BRAF: variants seen among roughly 807,000 people sequenced by gnomAD.
BRAF encodes B-Raf proto-oncogene, serine/threonine kinase.
A neutral mutation model predicts 104.6 loss-of-function variants in BRAF; 16 were observed. The observed-to-expected ratio is 0.15, with a 90% CI of 0.10 to 0.23. The LOEUF (loss-of-function observed/expected upper bound fraction) is 0.23, where lower values mean the gene tolerates loss of function less well. Among genes scored for constraint, BRAF ranks in the 10% least tolerant of loss-of-function variants. The probability of loss-of-function intolerance (pLI) is 1.00; values close to 1 mark genes in which losing one functional copy is unlikely to be tolerated. For synonymous variants in BRAF, 310 were observed against 341.6 expected (o/e 0.91, Z 1.02); for missense variants, 541 against 937.3 (o/e 0.58, Z 5.52).
At chr7:140,727,924 CAT>C (rs892924018) in intron 19 of BRAF, among the ~76,000 whole-genome samples, 1 of 152,118 alleles carries the variant, frequency 6.6e-6, no homozygotes, top group African/African-American at 2.4e-5. Context: ...CCCGGCCAGC[CAT>C]ATCACTATTT....
At chr7:140,878,727 T>C (rs1812536111) in intron 1 of BRAF, among the ~76,000 whole-genome samples, 1 of 152,184 alleles carries the variant, frequency 6.6e-6, no homozygotes. Flanking sequence ...TATTTCAAAA[T>C]AGCTAGAAGA....
At chr7:140,824,343 T>C (rs1805781526) in intron 3 of BRAF, 1 of 152,194 alleles carries the variant, frequency 6.6e-6, no homozygotes, top group Admixed American at 6.5e-5. Flanking sequence ...AAGGGAAGGG[T>C]ACCACTTCAT....
the BRAF span, among the ~76,000 whole-genome samples, chr7:140,714,260 C>G: frequency 1.3e-5 from 2 of 152,198 alleles, no homozygotes; most frequent in Admixed American, 6.5e-5. Flanking sequence ...TTTTTGGGGC[C>G]AGAGGAATGG....
chr7:140,774,073 A>C (rs1335445416), intron 14 of BRAF, among the ~76,000 whole-genome samples: 1 of 152,242 alleles, frequency 6.6e-6, no homozygotes, highest in African/African-American at 2.4e-5. Flanking sequence ...GGTACATTTA[A>C]CCAGTTGTAT....
chr7:140,885,002 A>G (rs991172079), intron 1 of BRAF, among the ~76,000 whole-genome samples: 5 of 152,136 alleles, frequency 3.3e-5, no homozygotes, highest in South Asian at 2.1e-4. Flanking sequence ...TTGTTTGTTT[A>G]TTTATTCATT....
intron 3 of BRAF, among the ~76,000 whole-genome samples, chr7:140,815,578 C>T (rs1804790228): frequency 6.6e-6 from 1 of 151,552 alleles, no homozygotes; most frequent in African/African-American, 2.4e-5. Flanking sequence ...GGATTACAGG[C>T]ATGTGCCAGC....
chr7:140,735,125 A>AC (rs1284573819), intron 18 of BRAF, among the ~76,000 whole-genome samples: 1 of 152,234 alleles, frequency 6.6e-6, no homozygotes, highest in Non-Finnish European at 1.5e-5. Context: ...TTTGTTATAG[A>AC]CCACAAGTCT....
intron 1 of BRAF, among the ~76,000 whole-genome samples, chr7:140,886,594 C>T (rs1452932261): frequency 6.6e-6 from 1 of 152,208 alleles, no homozygotes; most frequent in Non-Finnish European, 1.5e-5. Context: ...ACACTCTTTG[C>T]CTAGCACTTT....
intron 1 of BRAF, among the ~76,000 whole-genome samples, chr7:140,873,206 C>T (rs1056010042): frequency 2.3e-5 from 3 of 132,402 alleles, no homozygotes; most frequent in Admixed American, 8.7e-5. Context: ...GAGTTCTGCT[C>T]GTCGCCCAGG....
chr7:140,863,464 G>C (rs975562060), intron 1 of BRAF, among the ~76,000 whole-genome samples: 1 of 152,166 alleles, frequency 6.6e-6, no homozygotes, highest in African/African-American at 2.4e-5. Context: ...TATTCTAAGA[G>C]CAATGAGAAT....
intron 1 of BRAF, among the ~76,000 whole-genome samples, chr7:140,907,257 T>G (rs766658673): frequency 1.3e-5 from 2 of 152,060 alleles, no homozygotes; most frequent in Admixed American, 6.6e-5. Context: ...TTAAGTTGGG[T>G]TTTTCCCCCC....
chr7:140,755,686 T>A (rs1798144316), intron 14 of BRAF, among the ~76,000 whole-genome samples: 1 of 152,168 alleles, frequency 6.6e-6, no homozygotes, highest in Non-Finnish European at 1.5e-5. Context: ...ATTTCGGTTA[T>A]AGGTCTCACT....
chr7:140,895,224 A>G (rs959619266), intron 1 of BRAF, among the ~76,000 whole-genome samples: 1 of 152,214 alleles, frequency 6.6e-6, no homozygotes, highest in Admixed American at 6.5e-5. Context: ...GGAAAAAAAC[A>G]TGATCACCTC....
At chr7:140,759,163 A>T (rs1798454785) in intron 14 of BRAF, among the ~76,000 whole-genome samples, 1 of 152,254 alleles carries the variant, frequency 6.6e-6, no homozygotes, top group Admixed American at 6.5e-5. Flanking sequence ...AATATGAAGA[A>T]GATGCTGTAT....
At chr7:140,773,218 T>C (rs1357778760) in intron 14 of BRAF, 1 of 152,206 alleles carries the variant, frequency 6.6e-6, no homozygotes, top group African/African-American at 2.4e-5. Context: ...TCCCCACCAA[T>C]ATCTAGTTAT....
At chr7:140,734,427 T>C in intron 19 of BRAF, 2 of 1,519,564 alleles carry the variant, frequency 1.3e-6, no homozygotes, top group Non-Finnish European at 1.7e-6. Flanking sequence ...CAATGTTAAG[T>C]ATAAATTTTA....
At chr7:140,900,045 T>G (rs1329171194) in intron 1 of BRAF, among the ~76,000 whole-genome samples, 3 of 152,234 alleles carry the variant, frequency 2.0e-5, no homozygotes, top group Non-Finnish European at 2.9e-5. Context: ...ATTGACTGAT[T>G]ACAGCCTCAA....
chr7:140,721,450 C>G lies in BRAF; in HGVS notation c.*5044G>C. ...GAATTTCAATTTAAATGTCTTTGCC[C>G]AAACAAAAGTGAAAATAGGTTATTT... is the stretch of plus-strand genomic sequence containing the variant. On this transcript the variant is annotated 3_prime_UTR_variant, in exon 20 of 20. Transcript: ENST00000644969. 1 of 1,245,154 alleles carries G rather than the reference C, an allele frequency of 8.0e-7. No homozygotes were observed. The highest frequency in any genetic ancestry group is 1.0e-6 in the Non-Finnish European group (1 of 989,494). The allele number at this position is 1,245,154 out of a possible 1,614,324, so 77.1% of individuals were successfully genotyped here. A position where few individuals can be genotyped will look rare whatever the true frequency, so the allele number is the denominator to read the frequency against.
Position 140,776,954 on chromosome 7 carries a change from A to G in BRAF, c.1772T>C (p.Ile591Thr). ...LHIIETKFEM[I>T]KLIDIARQTA... ...CTGTCGTGCAATATCTATAAGTTTG[A>G]TCATCTCAAATTTGGTCTCAATGAT... The change falls in exon 14 of 20, where the codon ATC becomes ACC. Residue 591 changes from isoleucine to threonine, a missense_variant. By Grantham distance (89) the Ile-to-Thr change is moderately conservative. Transcript: ENST00000644969. 1 of 1,613,708 alleles carries G rather than the reference A, an allele frequency of 6.2e-7. No individual in the cohort carries two copies. Among genetic ancestry groups the G allele is most frequent in the Non-Finnish European group, 8.5e-7 (1 of 1,179,892 alleles).
Sources: gnomAD v4.1 joint callset for allele counts (sites outside exome capture counted in the v4.1 genomes callset) on GRCh38, gnomAD v4.1.1 for gene constraint, MANE v1.5 for transcripts, NCBI Gene and HGNC (gene_info 2026-07-23, HGNC 2026-07-21) for gene names.